Variants in NTRK3 observed in about 807,000 individuals in gnomAD.
NTRK3 encodes neurotrophic receptor tyrosine kinase 3.
A neutral mutation model predicts 91.7 loss-of-function variants in NTRK3; 24 were observed. That is an observed-to-expected ratio of 0.26 (90% confidence interval 0.19 to 0.37). The LOEUF (loss-of-function observed/expected upper bound fraction) is 0.37. Ranked by LOEUF, NTRK3 falls within the 10% of genes least tolerant of loss-of-function variation. The probability of loss-of-function intolerance (pLI) is 1.00; values close to 1 mark genes in which losing one functional copy is unlikely to be tolerated. For synonymous variants in NTRK3, 483 were observed against 404.0 expected, an observed-to-expected ratio of 1.20 and a Z score of -2.34; for missense variants, 880 against 1,068.9, an observed-to-expected ratio of 0.82 and a Z score of 2.46.
At chr15:87,907,600 T>C (rs1487788630) in intron 17 of NTRK3, among the ~76,000 whole-genome samples, 1 of 152,108 alleles carries the variant, frequency 6.6e-6, no homozygotes, top group African/African-American at 2.4e-5. Context: ...CCTGTCAGTG[T>C]TAGGAAGCAG....
intron 14 of NTRK3, among the ~76,000 whole-genome samples, chr15:87,992,075 T>C (rs1335740314): frequency 2.0e-5 from 3 of 152,106 alleles, no homozygotes; most frequent in Non-Finnish European, 4.4e-5. Flanking sequence ...CTTCCAGTCC[T>C]TAAGTTAATC....
intron 3 of NTRK3, among the ~76,000 whole-genome samples, chr15:88,219,033 A>G (rs2141545802): frequency 6.6e-6 from 1 of 152,362 alleles, no homozygotes; most frequent in East Asian, 1.9e-4. Context: ...CCTAGCAACA[A>G]TGACAGGAGA....
rs79655678 is a variant in NTRK3 at position 88,025,523 on chromosome 15, C to G, written c.1585+7334G>C. Among the ~76,000 whole-genome samples, 797 of 152,242 alleles carry G rather than the reference C, an allele frequency of 5.2e-3. 10 individuals carry two copies. The highest frequency in any genetic ancestry group is 0.018 in the African/African-American group (763 of 41,534). On this transcript the variant is annotated intron_variant, in intron 14 of 18. Transcript: ENST00000394480. The stretch of plus-strand genomic sequence containing the variant: ...CCCCTAAAACTATATGTCTGGTGTT[C>G]TTACAAAAAGGCAGTCTTATGAAGA...
At chr15:88,247,672 T>A (rs2052971315) in intron 3 of NTRK3, among the ~76,000 whole-genome samples, 1 of 152,198 alleles carries the variant, frequency 6.6e-6, no homozygotes, top group African/African-American at 2.4e-5. Context: ...GGCCAGTGGC[T>A]GAGCGATCAT....
intron 13 of NTRK3, among the ~76,000 whole-genome samples, chr15:88,049,398 A>G (rs1377488212): frequency 1.3e-5 from 2 of 152,180 alleles, no homozygotes; most frequent in Non-Finnish European, 2.9e-5. Context: ...TTGGTGATCT[A>G]TTAAAAACCC....
chr15:88,013,275 C>A (rs1420129683), intron 14 of NTRK3, among the ~76,000 whole-genome samples: 2 of 152,372 alleles, frequency 1.3e-5, no homozygotes, highest in South Asian at 4.1e-4. Context: ...ATACCCGCAT[C>A]TTCCTCTAGG....
chr15:88,187,794 T>C (rs541205005), intron 3 of NTRK3, among the ~76,000 whole-genome samples: 90 of 151,722 alleles, frequency 5.9e-4, no homozygotes, highest in African/African-American at 2.1e-3. Context: ...ATTAGCCAGG[T>C]ATGGTGGTGG....
chr15:88,167,960 G>A (rs968210670), intron 5 of NTRK3, among the ~76,000 whole-genome samples: 1 of 152,118 alleles, frequency 6.6e-6, no homozygotes, highest in Non-Finnish European at 1.5e-5. Flanking sequence ...TGTCATCCAA[G>A]TCTTAAAACA....
At chr15:87,899,263 T>G (rs925608826) in intron 17 of NTRK3, among the ~76,000 whole-genome samples, 1 of 152,082 alleles carries the variant, frequency 6.6e-6, no homozygotes, top group Non-Finnish European at 1.5e-5. Flanking sequence ...GATTAGGGAG[T>G]AATTTTCAAG....
chr15:88,245,981 G>C (rs2052779116), intron 3 of NTRK3, among the ~76,000 whole-genome samples: 1 of 152,144 alleles, frequency 6.6e-6, no homozygotes, highest in South Asian at 2.1e-4. Context: ...AAGGAAGTGG[G>C]GAAAGATGGA....
chr15:88,157,444 C>T (rs904124369), intron 5 of NTRK3, among the ~76,000 whole-genome samples: 1 of 152,140 alleles, frequency 6.6e-6, no homozygotes, highest in Non-Finnish European at 1.5e-5. Context: ...GTCTGTGCTG[C>T]CTCGGCAGGG....
At chr15:87,932,600 G>A (rs924009352) in intron 16 of NTRK3, among the ~76,000 whole-genome samples, 1 of 152,102 alleles carries the variant, frequency 6.6e-6, no homozygotes, top group South Asian at 2.1e-4. Context: ...GTTTCCAGGA[G>A]GGGTGTAAGA....
At chr15:87,981,604 T>C (rs2074278613) in intron 14 of NTRK3, among the ~76,000 whole-genome samples, 1 of 152,188 alleles carries the variant, frequency 6.6e-6, no homozygotes, top group African/African-American at 2.4e-5. Flanking sequence ...AGAAGAAAGA[T>C]TCACCATCAC....
chr15:87,880,105 A>AT lies in NTRK3; in HGVS notation c.2292+164dup, dbSNP rs5814311. On this transcript the variant is annotated intron_variant, in intron 18 of 18. Coordinates refer to ENST00000394480, the Ensembl canonical transcript of NTRK3. ...ATTACACCACATTTCCTACAGTTCC[A>AT]TTTTTTTTTTCCTACTAAGAAGCTC... Among the ~76,000 whole-genome samples the AT allele has an allele frequency of 3.4e-3, 499 of 148,662 alleles. 8 individuals are homozygous for AT. The highest frequency in any genetic ancestry group is 2.6e-3 in the Non-Finnish European group (173 of 66,896).
Position 87,943,055 on chromosome 15 carries a change from C to A in NTRK3, c.1586-2302G>T, listed in dbSNP as rs1046862551. On this transcript the variant is annotated intron_variant, in intron 14 of 18. Coordinates refer to ENST00000394480, the Ensembl canonical transcript of NTRK3. ...ATTGTAATAGGAGAACTTGAGAATG[C>A]GTCAAAATCACCTAGACGGCTTGTT... is the stretch of plus-strand genomic sequence containing the variant. Among the ~76,000 whole-genome samples the A allele has an allele frequency of 2.0e-5, 3 of 151,910 alleles. No homozygotes were observed. The South Asian group carries it at 6.3e-4, about 32-fold the overall frequency.
chr15:88,159,216 T>C lies in NTRK3; in HGVS notation c.396-11813A>G, dbSNP rs371685775. ...ACTATTCAGATTAAAGGAAAATCTA[T>C]GACTCTCTTAAAAACAACAAAACTG... On this transcript the variant is annotated intron_variant, in intron 5 of 18. Coordinates refer to ENST00000394480, the Ensembl canonical transcript of NTRK3. 1.2e-4 allele frequency among the ~76,000 whole-genome samples: 18 copies of C among 151,994 alleles called. No individual in the cohort carries two copies. In the East Asian group the frequency reaches 2.9e-3, roughly 24 times the overall value.
chr15:87,959,933 T>C (rs1343716271), intron 14 of NTRK3, among the ~76,000 whole-genome samples: 3 of 152,134 alleles, frequency 2.0e-5, no homozygotes, highest in African/African-American at 2.4e-5. Context: ...TTCTCAGACA[T>C]GTGGGAAACT....
chr15:88,235,143 T>A lies in NTRK3; in HGVS notation c.248+20763A>T, dbSNP rs1273321869. Among the ~76,000 whole-genome samples, 1 of 152,234 alleles carries A rather than the reference T, an allele frequency of 6.6e-6. No homozygotes were observed. Among genetic ancestry groups the A allele is most frequent in the African/African-American group, 2.4e-5 (1 of 41,454 alleles). ...CTGTTGAGTACCTTCACGGAACTTC[T>A]TACTCCTGATATGATTGTACTGATT... On this transcript the variant is annotated intron_variant, in intron 3 of 18. Transcript: ENST00000394480. The surrounding 1 kb of genome is among the most constrained non-coding windows in gnomAD (Gnocchi z 5.2).
chr15:87,880,461 G>T (rs2141470227), intron 17 of NTRK3, 33 bp from the exon 19 acceptor site: 1 of 1,610,402 alleles, frequency 6.2e-7, no homozygotes, highest in South Asian at 1.1e-5. Context: ...CACACAGAGT[G>T]ACCAGATGGC....
Sources: allele counts gnomAD v4.1 joint callset (sites outside exome capture counted in the v4.1 genomes callset), GRCh38; gene constraint gnomAD v4.1.1; non-coding constraint Gnocchi (gnomAD v3.1); transcripts MANE v1.5; gene names NCBI Gene and HGNC (gene_info 2026-07-23, HGNC 2026-07-21).